The following MED13 variants were observed in gnomAD, a reference collection of about 807,000 sequenced individuals.
MED13 encodes mediator complex subunit 13, also known as mediator of RNA polymerase II transcription subunit 13.
In MED13, 23 loss-of-function variants were observed where a neutral mutation model predicts 225.2. The observed-to-expected ratio is 0.10, with a 90% confidence interval of 0.07 to 0.14. The LOEUF is 0.14. MED13 is among the 10% of genes least tolerant of loss of function. The probability of loss-of-function intolerance (pLI) is 1.00; values close to 1 mark genes in which losing one functional copy is unlikely to be tolerated. For missense variants in MED13, 2,197 were observed against 2,594.5 expected (o/e 0.85, Z 3.33); for synonymous variants, 942 against 889.2 (o/e 1.06, Z -1.06).
Position 62,035,543 on chromosome 17 carries a change from T to G in MED13, c.536A>C (p.Glu179Ala). 1 of 1,613,830 alleles carries G rather than the reference T, an allele frequency of 6.2e-7. No homozygotes were observed. Among genetic ancestry groups the G allele is most frequent in the Non-Finnish European group, 8.5e-7 (1 of 1,179,834 alleles). The change falls in exon 4 of 30, where the codon GAA becomes GCA. Residue 179 changes from glutamate to alanine, a missense_variant. Coordinates refer to ENST00000397786, the MANE Select transcript of MED13 (RefSeq NM_005121.3). ...HGDSNVCTSVEINQHQPVYLL... is the reference protein window; with the variant it reads ...HGDSNVCTSVAINQHQPVYLL... ...GTATACAGGTTGATGTTGGTTAATT[T>G]CCACACTGGTACAAACATTGCTGTC...
At chr17:62,044,529 T>C (rs966742805) in intron 3 of MED13, among the ~76,000 whole-genome samples, 4 of 152,236 alleles carry the variant, frequency 2.6e-5, no homozygotes, top group Non-Finnish European at 2.9e-5. Flanking sequence ...TTAGAACATA[T>C]TGAACCAAAT....
At chr17:62,023,389 A>T (rs558079136) in intron 8 of MED13, among the ~76,000 whole-genome samples, 20 of 152,314 alleles carry the variant, frequency 1.3e-4, no homozygotes, top group Admixed American at 1.3e-3. Flanking sequence ...CTAGCACTGA[A>T]AGGACAATAA....
chr17:62,054,823 T>G (rs1015708067), intron 2 of MED13, among the ~76,000 whole-genome samples: 32 of 152,340 alleles, frequency 2.1e-4, no homozygotes, highest in African/African-American at 7.5e-4. Flanking sequence ...CTTTTATTTT[T>G]ATTACCTTTT....
At chr17:61,952,478 C>CA (rs566930323) in intron 27 of MED13, among the ~76,000 whole-genome samples, 58 of 152,078 alleles carry the variant, frequency 3.8e-4, no homozygotes, top group African/African-American at 1.4e-3. Flanking sequence ...ACAAAAACTA[C>CA]AAAAAAATGA....
intron 3 of MED13, among the ~76,000 whole-genome samples, chr17:62,045,003 C>T (rs1212820634): frequency 1.3e-5 from 2 of 151,912 alleles, no homozygotes; most frequent in East Asian, 1.9e-4. Flanking sequence ...AACTATTTTA[C>T]ATACAGTAAA....
chr17:61,957,051 G>T (rs942324740), intron 23 of MED13, among the ~76,000 whole-genome samples: 2 of 151,920 alleles, frequency 1.3e-5, no homozygotes, highest in Non-Finnish European at 2.9e-5. Flanking sequence ...CTACGCCAGG[G>T]ATTTTTTGTT....
chr17:61,975,945 G>A (rs1255087996), intron 16 of MED13, among the ~76,000 whole-genome samples: 2 of 152,136 alleles, frequency 1.3e-5, no homozygotes, highest in African/African-American at 4.8e-5. Flanking sequence ...GAACCTGGGA[G>A]GTGGAGGTTG....
chr17:61,980,466 G>A (rs978796717), intron 16 of MED13, among the ~76,000 whole-genome samples: 1 of 152,118 alleles, frequency 6.6e-6, no homozygotes, highest in Admixed American at 6.5e-5. Context: ...CTCCAAATGT[G>A]TATCTGATTT....
chr17:62,026,396 T>A (rs2080702214), intron 8 of MED13, among the ~76,000 whole-genome samples: 1 of 151,476 alleles, frequency 6.6e-6, no homozygotes, highest in Non-Finnish European at 1.5e-5. Context: ...ATTTTCTGAA[T>A]CTTATTTCAA....
At chr17:62,049,128 G>A (rs538497603) in intron 3 of MED13, among the ~76,000 whole-genome samples, 2 of 142,172 alleles carry the variant, frequency 1.4e-5, no homozygotes, top group African/African-American at 5.3e-5. Context: ...CCAACAAGAA[G>A]GGAAAAGCAA....
Position 62,035,572 on chromosome 17 carries a change from A to G in MED13, c.507T>C (p.His169=), listed in dbSNP as rs1417364559. 1.2e-6 allele frequency: 2 copies of G among 1,613,798 alleles called. No homozygotes were observed. Among genetic ancestry groups the G allele is most frequent in the Admixed American group, 1.7e-5 (1 of 59,982 alleles). The part of the protein sequence containing the change: ...HLSCSFTFFL[H]GDSNVCTSVE... ...CACTGGTACAAACATTGCTGTCTCC[A>G]TGCAAGAAAAAGGTGAAGGAGCAGG... Residue 169 remains histidine (H), a synonymous_variant, in exon 4 of 30, where the codon CAT becomes CAC. Coordinates refer to ENST00000397786, the MANE Select transcript of MED13 (RefSeq NM_005121.3).
At position 62,035,561 on chromosome 17, in the gene MED13, T is replaced by G. The variant is rs1195725353; in HGVS notation, c.518A>C (p.Asn173Thr). ...GTTAATTTCCACACTGGTACAAACA[T>G]TGCTGTCTCCATGCAAGAAAAAGGT... ...SFTFFLHGDS[N>T]VCTSVEINQH... The change falls in exon 4 of 30, where the codon AAT (asparagine) becomes ACT (threonine). Residue 173 changes from asparagine to threonine, a missense_variant. Coordinates refer to ENST00000397786, the MANE Select transcript of MED13 (RefSeq NM_005121.3). 1 of 1,613,806 alleles carries G rather than the reference T, an allele frequency of 6.2e-7. No individual in the cohort carries two copies. Among genetic ancestry groups the G allele is most frequent in the East Asian group, 2.2e-5 (1 of 44,814 alleles).
chr17:61,985,105 C>A lies in MED13; in HGVS notation c.2386-15G>T. The A allele has an allele frequency of 6.2e-7, 1 of 1,602,198 alleles. No individual in the cohort carries two copies. Among genetic ancestry groups the A allele is most frequent in the Non-Finnish European group, 8.5e-7 (1 of 1,172,564 alleles). On this transcript the variant is annotated splice_polypyrimidine_tract_variant and intron_variant, in intron 12 of 29. Coordinates refer to ENST00000397786, the MANE Select transcript of MED13 (RefSeq NM_005121.3). ...TTAGATCCAGGCTATTTAAAAAAAG[C>A]ACATATTTATCTAAAATTTTACATC...
intron 2 of MED13, among the ~76,000 whole-genome samples, chr17:62,060,644 C>CAAAAAAAA (rs565314177): frequency 2.4e-5 from 2 of 84,692 alleles, no homozygotes; most frequent in African/African-American, 9.7e-5. Context: ...GACTCCGTCT[C>CAAAAAAAA]AAAAAAAAAA....
chr17:62,060,802 C>T (rs974019938), intron 2 of MED13, among the ~76,000 whole-genome samples: 30 of 151,982 alleles, frequency 2.0e-4, no homozygotes, highest in African/African-American at 7.2e-4. Flanking sequence ...TGGGATCAAG[C>T]AATTCTCCTG....
In MED13 at chr17:62,010,860, A is replaced by C. The variant is rs200447400; in HGVS notation, c.1657T>G (p.Ser553Ala). The C allele has an allele frequency of 2.8e-5, 46 of 1,614,244 alleles. No homozygotes were observed. The highest frequency in any genetic ancestry group is 3.1e-5 in the Non-Finnish European group (37 of 1,180,048). The change falls in exon 9 of 30, where the codon TCA (serine) becomes GCA (alanine). Residue 553 changes from serine to alanine, a missense_variant. This residue lies in a region of MED13 where 884 missense variants were observed against 918.5 expected (regional missense o/e 0.96). Coordinates refer to ENST00000397786, the MANE Select transcript of MED13 (RefSeq NM_005121.3). ...TAAAAATGTTGACTCTGAGGAGTTG[A>C]AGGTGTTTTAGTCACTCCTTCATCA... ...VVDEGVTKTP[S>A]TPQSQHFYQM...
At chr17:62,061,231 A>C (rs2081036598) in intron 2 of MED13, among the ~76,000 whole-genome samples, 1 of 152,092 alleles carries the variant, frequency 6.6e-6, no homozygotes, top group Admixed American at 6.6e-5. Flanking sequence ...TATTACGGTA[A>C]AACTAGGCCA....
intron 27 of MED13, among the ~76,000 whole-genome samples, chr17:61,952,282 A>G (rs2079903184): frequency 6.6e-6 from 1 of 152,220 alleles, no homozygotes. Context: ...GCCTGCTTCC[A>G]TAACTGCTAA....
Position 61,965,201 on chromosome 17 carries a change from A to C in MED13, c.4649T>G (p.Val1550Gly). The stretch of plus-strand genomic sequence containing the variant: ...AAACGAAGGTAGTTTATTTGATGAT[A>C]CTCCACTATTCAAGTTGGAGGATGA... ...SSSSSNLNSG[V>G]SSNKLPSFPP... The change falls in exon 20 of 30, where the codon GTA becomes GGA. Residue 1550 changes from valine (V) to glycine (G), a missense_variant. Physicochemically the swap from Val to Gly is moderately radical, Grantham distance 109. This residue lies in a region of MED13 where 457 missense variants were observed against 442.2 expected (regional missense o/e 1.03). Transcript: ENST00000397786. 7 of 1,614,074 alleles carry C rather than the reference A, an allele frequency of 4.3e-6. No homozygotes were observed. The highest frequency in any genetic ancestry group is 5.9e-6 in the Non-Finnish European group (7 of 1,180,000).
Sources: gnomAD v4.1 joint callset for allele counts (sites outside exome capture counted in the v4.1 genomes callset) on GRCh38, gnomAD v4.1.1 for gene constraint, gnomAD v4.1.1 regional missense constraint, MANE v1.5 for transcripts, NCBI Gene and HGNC (gene_info 2026-07-23, HGNC 2026-07-21) for gene names.